Variants in CSMD1 observed in about 807,000 individuals in gnomAD.
CSMD1 encodes the protein CUB and sushi domain-containing protein 1.
A neutral mutation model predicts 417.5 loss-of-function variants in CSMD1; 213 were observed. The observed-to-expected ratio is 0.51, with a 90% CI of 0.46 to 0.57. The LOEUF (loss-of-function observed/expected upper bound fraction) is 0.57. Ranked by LOEUF, CSMD1 falls within the 20% of genes least tolerant of loss-of-function variation. The pLI is 0.00. For synonymous variants in CSMD1, 2,862 were observed against 1,736.8 expected (o/e 1.65, Z -16.11); for missense variants, 6,923 against 4,529.7 (o/e 1.53, Z -15.17).
intron 1 of CSMD1, among the ~76,000 whole-genome samples, chr8:4,817,835 T>A (rs1321315345): frequency 1.3e-5 from 2 of 152,194 alleles, no homozygotes; most frequent in East Asian, 1.9e-4. Context: ...AACTACAGGA[T>A]CATTTGGTGA....
At chr8:3,331,970 AAAT>A (rs1256277642) in intron 23 of CSMD1, among the ~76,000 whole-genome samples, 3 of 152,234 alleles carry the variant, frequency 2.0e-5, no homozygotes, top group Non-Finnish European at 4.4e-5. Context: ...GATCATAGAT[AAAT>A]AATGATAGAT....
At chr8:2,968,630 T>A (rs535529157) in intron 57 of CSMD1, among the ~76,000 whole-genome samples, 6 of 152,308 alleles carry the variant, frequency 3.9e-5, no homozygotes, top group Non-Finnish European at 8.8e-5. Flanking sequence ...CGGTTATAAC[T>A]ATGAAAATGA....
intron 49 of CSMD1, among the ~76,000 whole-genome samples, chr8:3,062,258 A>G (rs1404017732): frequency 6.6e-6 from 1 of 152,082 alleles, no homozygotes; most frequent in Non-Finnish European, 1.5e-5. Flanking sequence ...CATCCAATAT[A>G]CCATTAATAC....
At chr8:4,898,028 A>C (rs1252939311) in intron 1 of CSMD1, among the ~76,000 whole-genome samples, 1 of 152,180 alleles carries the variant, frequency 6.6e-6, no homozygotes, top group Non-Finnish European at 1.5e-5. Context: ...TCAGTTTATA[A>C]AACAAGAAAA....
At chr8:4,938,597 C>A (rs760159847) in intron 1 of CSMD1, among the ~76,000 whole-genome samples, 1 of 152,200 alleles carries the variant, frequency 6.6e-6, no homozygotes, top group African/African-American at 2.4e-5. Context: ...AAAACGCATA[C>A]TTGCATAAAC....
intron 6 of CSMD1, among the ~76,000 whole-genome samples, chr8:3,718,149 T>C (rs1480832111): frequency 6.6e-6 from 1 of 152,242 alleles, no homozygotes; most frequent in African/African-American, 2.4e-5. Flanking sequence ...AAATCTATTA[T>C]TGTCTCATGG....
chr8:3,556,676 C>G (rs1303838646), intron 10 of CSMD1, among the ~76,000 whole-genome samples: 3 of 151,832 alleles, frequency 2.0e-5, no homozygotes, highest in African/African-American at 4.8e-5. Context: ...GTAATTGCGT[C>G]TCTCTACTGT....
chr8:4,844,717 T>C (rs1375637508), intron 1 of CSMD1, among the ~76,000 whole-genome samples: 1 of 152,218 alleles, frequency 6.6e-6, no homozygotes, highest in Non-Finnish European at 1.5e-5. Context: ...CAACTAATTG[T>C]AGTGATAATT....
intron 5 of CSMD1, among the ~76,000 whole-genome samples, chr8:3,786,613 G>T (rs78234036): frequency 0.019 from 2,951 of 152,222 alleles, 102 homozygotes; most frequent in African/African-American, 0.067. Flanking sequence ...TCTCAGCAAA[G>T]CAGTTGCTTA....
At chr8:4,794,328 C>G (rs775958213) in intron 1 of CSMD1, among the ~76,000 whole-genome samples, 1 of 152,146 alleles carries the variant, frequency 6.6e-6, no homozygotes, top group African/African-American at 2.4e-5. Flanking sequence ...CTCTGCATTT[C>G]CTTAGAAATG....
At chr8:3,501,352 T>A (rs973708871) in intron 10 of CSMD1, among the ~76,000 whole-genome samples, 19 of 152,344 alleles carry the variant, frequency 1.2e-4, no homozygotes, top group Admixed American at 4.6e-4. Flanking sequence ...TTTTAAGTTT[T>A]TCCTTTTGAT....
intron 2 of CSMD1, among the ~76,000 whole-genome samples, chr8:4,573,572 G>T (rs984169646): frequency 6.6e-6 from 1 of 152,138 alleles, no homozygotes; most frequent in Non-Finnish European, 1.5e-5. Flanking sequence ...CTGCTGGGAG[G>T]TGTCTCCCAG....
intron 3 of CSMD1, among the ~76,000 whole-genome samples, chr8:4,164,241 GAAAA>G (rs1243116921): frequency 6.6e-6 from 1 of 151,800 alleles, no homozygotes; most frequent in East Asian, 1.9e-4. Flanking sequence ...ACAAAAGTTA[GAAAA>G]AAACAAAATG....
chr8:3,569,660 A>G (rs1387866831), intron 10 of CSMD1, among the ~76,000 whole-genome samples: 1 of 152,206 alleles, frequency 6.6e-6, no homozygotes, highest in Admixed American at 6.5e-5. Flanking sequence ...CTTATGTTCA[A>G]TACGTAATAC....
intron 3 of CSMD1, among the ~76,000 whole-genome samples, chr8:4,405,100 G>C (rs145810947): frequency 0.018 from 2,775 of 152,282 alleles, 41 homozygotes; most frequent in Middle Eastern, 0.027. Flanking sequence ...GTTCAGAAGA[G>C]ATTTTCAGAC....
intron 36 of CSMD1, among the ~76,000 whole-genome samples, chr8:3,184,481 G>T (rs184160945): frequency 1.3e-5 from 2 of 152,256 alleles, no homozygotes; most frequent in African/African-American, 4.8e-5. Flanking sequence ...TCTGTCTTCA[G>T]TTCTGCTCTT....
intron 10 of CSMD1, among the ~76,000 whole-genome samples, chr8:3,499,863 G>A (rs1796522729): frequency 6.6e-6 from 1 of 152,076 alleles, no homozygotes; most frequent in Middle Eastern, 3.2e-3. Flanking sequence ...CTTCTGTCCT[G>A]AAAATGGCAC....
intron 2 of CSMD1, among the ~76,000 whole-genome samples, chr8:4,537,488 T>C (rs1187352354): frequency 6.6e-6 from 1 of 152,200 alleles, no homozygotes; most frequent in Non-Finnish European, 1.5e-5. Flanking sequence ...AGTCATATAT[T>C]CCAGAATTTG....
At chr8:4,229,427 A>G (rs1299801919) in intron 3 of CSMD1, among the ~76,000 whole-genome samples, 1 of 152,188 alleles carries the variant, frequency 6.6e-6, no homozygotes, top group Non-Finnish European at 1.5e-5. Flanking sequence ...ACAATCACTC[A>G]TTATCTTTTC....
Sources: allele counts gnomAD v4.1 joint callset (sites outside exome capture counted in the v4.1 genomes callset), GRCh38; gene constraint gnomAD v4.1.1; transcripts MANE v1.5; gene names NCBI Gene and HGNC (gene_info 2026-07-23, HGNC 2026-07-21).